Variants in ANKRD13A observed in about 807,000 individuals in gnomAD.
The protein encoded by ANKRD13A is ankyrin repeat domain 13A.
Under a neutral mutation model 81.3 loss-of-function variants are expected in ANKRD13A, and 48 were observed. That is an observed-to-expected ratio of 0.59 (90% CI 0.47 to 0.75). ANKRD13A has a LOEUF of 0.75. Ranked by LOEUF, ANKRD13A falls within the 30% of genes least tolerant of loss-of-function variation. The pLI, the probability that ANKRD13A is intolerant of heterozygous loss-of-function variation, is 0.00. For synonymous variants in ANKRD13A, 230 were observed against 270.1 expected (o/e 0.85, Z 1.45); for missense variants, 612 against 734.0 (o/e 0.83, Z 1.92).
At chr12:110,019,452 G>A in intron 6 of ANKRD13A, 124 bp downstream of exon 6, 1 of 929,924 alleles carries the variant, frequency 1.1e-6, no homozygotes, top group East Asian at 2.8e-5. Context: ...ATAAACACTA[G>A]TGGGTTTTAA....
chr12:110,020,596 A>T (rs1891028098), intron 6 of ANKRD13A, among the ~76,000 whole-genome samples: 1 of 152,248 alleles, frequency 6.6e-6, no homozygotes, highest in African/African-American at 2.4e-5. Context: ...CAGGGACAGC[A>T]AAATTTAGGG....
chr12:110,033,679 A>G, intron 12 of ANKRD13A, 118 bp from the exon 13 acceptor site: 1 of 935,698 alleles, frequency 1.1e-6, no homozygotes. Context: ...ATATAATAGT[A>G]AGCCTTGATT....
At position 110,019,224 on chromosome 12, in the gene ANKRD13A, C is replaced by T; in HGVS notation, c.630C>T (p.Arg210=). ...ERFDLSQEME[R]LTLDLMKPKS... is the part of the protein sequence containing the mutation. The stretch of plus-strand genomic sequence containing the variant: ...TCGACCTTTCCCAAGAAATGGAGCG[C>T]CTCACTCTGGACTTGATGAAGCCAA... The change falls in exon 6 of 15, where the codon CGC becomes CGT. Residue 210 remains arginine (R), a synonymous_variant. Transcript: ENST00000261739. 1 of 1,614,118 alleles carries T rather than the reference C, an allele frequency of 6.2e-7. No individual in the cohort carries two copies. The highest frequency in any genetic ancestry group is 8.5e-7 in the Non-Finnish European group (1 of 1,179,948).
At chr12:110,004,581 A>T (rs369663397) in intron 1 of ANKRD13A, among the ~76,000 whole-genome samples, 1 of 152,172 alleles carries the variant, frequency 6.6e-6, no homozygotes, top group South Asian at 2.1e-4. Flanking sequence ...CGGTGAGCTA[A>T]GATTGCACCA....
At chr12:110,023,049 C>T (rs981885387) in intron 6 of ANKRD13A, among the ~76,000 whole-genome samples, 5 of 152,160 alleles carry the variant, frequency 3.3e-5, no homozygotes, top group African/African-American at 1.2e-4. Flanking sequence ...TGCTAATAAC[C>T]GCATATGTTC....
rs1184682739 is a variant in ANKRD13A, at chr12:110,039,440, C to CT, written c.*1889dup. 4 of 152,150 alleles carry CT rather than the reference C, an allele frequency of 2.6e-5. No individual in the cohort carries two copies. The highest frequency in any genetic ancestry group is 6.5e-5 in the Admixed American group (1 of 15,278). The allele number at this position is 152,150 out of a possible 1,614,324, so 9.4% of individuals were successfully genotyped here. On this transcript the variant is annotated 3_prime_UTR_variant, in exon 15 of 15. Coordinates refer to ENST00000261739, the MANE Select transcript of ANKRD13A (RefSeq NM_033121.2). ...GAGGGTGCTCATACAAAATTCCAGT[C>CT]TTTGAGTCTTTTTCCTTTTCAGTTT... is the stretch of plus-strand genomic sequence containing the variant.
chr12:110,019,511 A>G (rs1890968947), intron 6 of ANKRD13A, among the ~76,000 whole-genome samples, 183 bp downstream of exon 6: 1 of 152,254 alleles, frequency 6.6e-6, no homozygotes, highest in Non-Finnish European at 1.5e-5. Flanking sequence ...GACACCATCC[A>G]TCATTTTTAC....
rs1470779317 is a variant in ANKRD13A at position 109,999,584 on chromosome 12, C to G, written c.-105C>G. 7 of 959,750 alleles carry G rather than the reference C, an allele frequency of 7.3e-6. No homozygotes were observed. In the Admixed American group the frequency reaches 1.0e-4, roughly 14 times the overall value. 59.5% of individuals were successfully genotyped at this position (959,750 alleles called of 1,614,324 possible). On this transcript the variant is annotated 5_prime_UTR_variant, in exon 1 of 15. Transcript: ENST00000261739. This position sits in a 1 kb window ranked among gnomAD's most constrained non-coding sequence, Gnocchi z 4.3. ...CCGGCCGGCAGCGTAACACGCCCTA[C>G]GCTCGCTTGCTCGCCGGCCTCAGGG...
In ANKRD13A at chr12:110,036,285, G is replaced by T; in HGVS notation, c.1534G>T (p.Gly512Ter). ...GGAACTTTCAGGACCAGCTTCGAAT[G>T]GAGGGATCAGCCAGACAAACACCTA... ...SQELSGPASN[G>*]GISQTNTYDA... Residue 512 changes from glycine to a stop codon, truncating the protein, a stop_gained, in exon 14 of 15, where the codon GGA becomes TGA. Coordinates refer to ENST00000261739, the MANE Select transcript of ANKRD13A (RefSeq NM_033121.2). LOFTEE classifies it high-confidence loss of function. The surrounding 1 kb of genome is among the most constrained non-coding windows in gnomAD (Gnocchi z 4.6). 1 of 1,614,048 alleles carries T rather than the reference G, an allele frequency of 6.2e-7. No homozygotes were observed. The highest frequency in any genetic ancestry group is 8.5e-7 in the Non-Finnish European group (1 of 1,179,932).
intron 6 of ANKRD13A, among the ~76,000 whole-genome samples, chr12:110,020,933 T>C (rs966145315): frequency 2.0e-5 from 3 of 152,210 alleles, no homozygotes; most frequent in Admixed American, 6.5e-5. Context: ...AGAAGAGACA[T>C]TGTTCCCCAT....
At chr12:110,026,556 A>G (rs1021314700) in intron 8 of ANKRD13A, among the ~76,000 whole-genome samples, 2 of 145,856 alleles carry the variant, frequency 1.4e-5, no homozygotes, top group African/African-American at 2.6e-5. Context: ...CAGCCTGGAC[A>G]ACAAGAGTGA....
intron 12 of ANKRD13A, among the ~76,000 whole-genome samples, chr12:110,031,811 T>C (rs987602837): frequency 3.9e-5 from 6 of 152,208 alleles, no homozygotes; most frequent in African/African-American, 1.2e-4. Flanking sequence ...GTTACTAGTA[T>C]ATAGAAATAT....
chr12:110,033,283 C>T (rs888070124), intron 12 of ANKRD13A, among the ~76,000 whole-genome samples: 3 of 146,726 alleles, frequency 2.0e-5, no homozygotes, highest in South Asian at 2.2e-4. Context: ...AAGATGGTCT[C>T]GATCTCCTGA....
rs1160558282 is a variant in ANKRD13A, at chr12:110,018,167, A to G, written c.401-178A>G. Reference sequence around the variant, plus strand: ...TTCTGGTGAATGGAATGGAAGGTTCATTTTTATTTTTCAAGAGTGATTTCC... The same window carrying G: ...TTCTGGTGAATGGAATGGAAGGTTCGTTTTTATTTTTCAAGAGTGATTTCC... On this transcript the variant is annotated intron_variant, in intron 4 of 14. Transcript: ENST00000261739. This position sits in a 1 kb window ranked among gnomAD's most constrained non-coding sequence, Gnocchi z 4.4. Among the ~76,000 whole-genome samples the G allele has an allele frequency of 2.0e-5, 3 of 152,228 alleles. No individual in the cohort carries two copies. The highest frequency in any genetic ancestry group is 3.4e-3 in the Middle Eastern group (1 of 294).
At chr12:110,026,504 C>G (rs1345222175) in intron 8 of ANKRD13A, among the ~76,000 whole-genome samples, 1 of 149,738 alleles carries the variant, frequency 6.7e-6, no homozygotes, top group Non-Finnish European at 1.5e-5. Context: ...TTGAACCTGG[C>G]AGGCGGAGGT....
intron 12 of ANKRD13A, among the ~76,000 whole-genome samples, 168 bp from the exon 13 acceptor site, chr12:110,033,629 T>C (rs1443082338): frequency 6.6e-6 from 1 of 152,176 alleles, no homozygotes; most frequent in East Asian, 1.9e-4. Flanking sequence ...AAAAGCTGTA[T>C]TCTGTCACTT....
rs1892162784 is a variant in ANKRD13A, at chr12:110,037,897, G to C, written c.*343G>C. 5.4e-6 allele frequency: 1 copy of C among 184,594 alleles called. No homozygotes were observed. The highest frequency in any genetic ancestry group is 2.4e-5 in the African/African-American group (1 of 42,524). 11.4% of individuals were successfully genotyped at this position (184,594 alleles called of 1,614,324 possible). A position where few individuals can be genotyped will look rare whatever the true frequency, so the allele number is the denominator to read the frequency against. ...GGTTTGTAGATAAATTTTTATCAAGGAGTGATAACAAGACAAGTTATTGCA... is the reference window on the plus strand; with the variant it reads ...GGTTTGTAGATAAATTTTTATCAAGCAGTGATAACAAGACAAGTTATTGCA... On this transcript the variant is annotated 3_prime_UTR_variant, in exon 15 of 15. Coordinates refer to ENST00000261739, the MANE Select transcript of ANKRD13A (RefSeq NM_033121.2).
At chr12:109,999,397 C>T (rs981156005), upstream of ANKRD13A, 9 of 177,954 alleles carry the variant, frequency 5.1e-5, no homozygotes, top group African/African-American at 2.1e-4. This position sits in a 1 kb window ranked among gnomAD's most constrained non-coding sequence, Gnocchi z 4.3. Flanking sequence ...GGTTCGCTCT[C>T]CGCACTTCCC....
intron 1 of ANKRD13A, among the ~76,000 whole-genome samples, chr12:110,011,185 A>T (rs1407217090): frequency 6.6e-6 from 1 of 152,154 alleles, no homozygotes; most frequent in Non-Finnish European, 1.5e-5. Context: ...TCAGAGTCAC[A>T]TTTTTTAGGC....
Sources: gnomAD v4.1 joint callset for allele counts (sites outside exome capture counted in the v4.1 genomes callset) on GRCh38, gnomAD v4.1.1 for gene constraint, Gnocchi (gnomAD v3.1) non-coding constraint, MANE v1.5 for transcripts, NCBI Gene and HGNC (gene_info 2026-07-23, HGNC 2026-07-21) for gene names.